KAZN: variants seen among roughly 807,000 people sequenced by gnomAD.
KAZN encodes kazrin, periplakin interacting protein.
KAZN carries 40 observed loss-of-function variants against 87.4 expected under a neutral mutation model. The observed-to-expected ratio is 0.46, with a 90% CI of 0.36 to 0.60. The LOEUF is 0.60. Ranked by LOEUF, KAZN falls within the 20% of genes least tolerant of loss-of-function variation. The pLI, the probability that KAZN is intolerant of heterozygous loss-of-function variation, is 0.00. For missense variants in KAZN, 898 were observed against 1,073.9 expected (o/e 0.84, Z 2.29); for synonymous variants, 466 against 458.3 (o/e 1.02, Z -0.22).
In KAZN at chr1:14,423,686, G is replaced by A. The variant is rs990648170; in HGVS notation, c.250-175297G>A. ...CATACCTAGTGGATTGATCACTTTG[G>A]AATCCAATTCCTCCCTGATTTTCAG... On this transcript the variant is annotated intron_variant, in intron 2 of 16. Coordinates refer to the KAZN transcript ENST00000636203. 1.5e-4 allele frequency among the ~76,000 whole-genome samples: 23 copies of A among 152,260 alleles called. 1 individual carries two copies. Among genetic ancestry groups the A allele is most frequent in the Admixed American group, 1.3e-3 (20 of 15,292 alleles).
At chr1:14,619,548 T>G (rs1391866825) in intron 1 of KAZN, among the ~76,000 whole-genome samples, 1 of 152,214 alleles carries the variant, frequency 6.6e-6, no homozygotes, top group Non-Finnish European at 1.5e-5. Flanking sequence ...ACGGAAAATT[T>G]GCCATTTAAA....
chr1:14,821,012 A>G (rs1646723672), intron 1 of KAZN, among the ~76,000 whole-genome samples: 1 of 152,180 alleles, frequency 6.6e-6, no homozygotes, highest in Non-Finnish European at 1.5e-5. Context: ...TGAGGAATTG[A>G]AAAGGAGGCA....
chr1:14,361,849 A>G (rs901977953), intron 2 of KAZN, among the ~76,000 whole-genome samples: 4 of 152,186 alleles, frequency 2.6e-5, no homozygotes, highest in African/African-American at 9.6e-5. Flanking sequence ...TGAGTCATTT[A>G]CCCGTGATTA....
At chr1:14,793,123 G>T (rs1471295751) in intron 1 of KAZN, among the ~76,000 whole-genome samples, 1 of 152,158 alleles carries the variant, frequency 6.6e-6, no homozygotes, top group African/African-American at 2.4e-5. Flanking sequence ...GATAGGAATG[G>T]ACCCCCGACT....
At chr1:15,111,046 G>A (rs1355290114) in intron 13 of KAZN, among the ~76,000 whole-genome samples, 1 of 152,158 alleles carries the variant, frequency 6.6e-6, no homozygotes, top group East Asian at 1.9e-4. Flanking sequence ...GGAGCAGAGG[G>A]GCCATTCATG....
intron 1 of KAZN, among the ~76,000 whole-genome samples, chr1:13,897,267 G>T (rs1212584123): frequency 1.3e-5 from 2 of 152,146 alleles, no homozygotes; most frequent in Non-Finnish European, 2.9e-5. Flanking sequence ...CTGGCTCCTT[G>T]CAGAAAAAAC....
At chr1:14,760,525 C>T (rs539196841) in intron 1 of KAZN, among the ~76,000 whole-genome samples, 12 of 152,308 alleles carry the variant, frequency 7.9e-5, no homozygotes, top group African/African-American at 2.9e-4. Flanking sequence ...CAGGGCAATC[C>T]AGCAGCCTCC....
intron 2 of KAZN, among the ~76,000 whole-genome samples, chr1:14,363,291 C>T (rs1271978469): frequency 1.3e-5 from 2 of 152,172 alleles, no homozygotes; most frequent in Non-Finnish European, 2.9e-5. Context: ...GATGTTTAAA[C>T]ATCTCCGTCT....
chr1:14,854,587 G>A (rs528360032), intron 1 of KAZN, among the ~76,000 whole-genome samples: 6 of 152,186 alleles, frequency 3.9e-5, no homozygotes, highest in African/African-American at 4.8e-5. Context: ...CCACTCTTGC[G>A]GGAGCTAATG....
At chr1:14,541,499 C>T (rs1171972312) in intron 2 of KAZN, among the ~76,000 whole-genome samples, 3 of 152,172 alleles carry the variant, frequency 2.0e-5, no homozygotes, top group Non-Finnish European at 4.4e-5. Flanking sequence ...GAAAGGCACC[C>T]GGGGCCAGGA....
intron 1 of KAZN, among the ~76,000 whole-genome samples, chr1:14,708,900 G>A (rs1642349754): frequency 6.6e-6 from 1 of 152,196 alleles, no homozygotes; most frequent in Admixed American, 6.5e-5. Flanking sequence ...TACTTTTTGA[G>A]CTTTAAAATA....
At chr1:14,309,210 AC>A (rs1436806378) in intron 2 of KAZN, among the ~76,000 whole-genome samples, 1 of 152,142 alleles carries the variant, frequency 6.6e-6, no homozygotes, top group Non-Finnish European at 1.5e-5. Flanking sequence ...AGGATAAGCA[AC>A]CCTTTTAAAA....
chr1:14,788,029 T>C (rs1572482640), intron 1 of KAZN, among the ~76,000 whole-genome samples: 1 of 152,188 alleles, frequency 6.6e-6, no homozygotes, highest in East Asian at 1.9e-4. Flanking sequence ...GCTGCATAGT[T>C]GTGGGGACCC....
chr1:15,072,557 A>G (rs1639560508), intron 8 of KAZN, among the ~76,000 whole-genome samples: 1 of 152,224 alleles, frequency 6.6e-6, no homozygotes, highest in Non-Finnish European at 1.5e-5. Context: ...TCTGGAAGTC[A>G]GGGCTGCCTC....
chr1:14,023,504 A>C (rs1400917866), intron 1 of KAZN, among the ~76,000 whole-genome samples: 1 of 152,096 alleles, frequency 6.6e-6, no homozygotes, highest in African/African-American at 2.4e-5. Flanking sequence ...CACAGCTACA[A>C]AGTGGTCCAG....
At chr1:15,029,433 C>A (rs1671468706) in intron 2 of KAZN, among the ~76,000 whole-genome samples, 1 of 152,154 alleles carries the variant, frequency 6.6e-6, no homozygotes, top group Non-Finnish European at 1.5e-5. Context: ...CAGAGAGCCC[C>A]AGGTTAGATG....
At chr1:14,552,040 C>T (rs1255431361) in intron 2 of KAZN, among the ~76,000 whole-genome samples, 4 of 151,792 alleles carry the variant, frequency 2.6e-5, no homozygotes, top group Non-Finnish European at 5.9e-5. Context: ...GTCTGAGTGC[C>T]CTTGACCAAG....
At chr1:14,589,098 C>T (rs947597893) in intron 2 of KAZN, among the ~76,000 whole-genome samples, 1 of 152,110 alleles carries the variant, frequency 6.6e-6, no homozygotes, top group African/African-American at 2.4e-5. Flanking sequence ...CTACTTGTTT[C>T]TTTCTCAAAA....
intron 2 of KAZN, among the ~76,000 whole-genome samples, chr1:14,451,111 C>A (rs1055748042): frequency 6.6e-6 from 1 of 152,126 alleles, no homozygotes; most frequent in African/African-American, 2.4e-5. Flanking sequence ...ATGCTGGCAC[C>A]ATGCTTCCTA....
Sources: allele counts gnomAD v4.1 joint callset (sites outside exome capture counted in the v4.1 genomes callset), GRCh38; gene constraint gnomAD v4.1.1; transcripts MANE v1.5; gene names NCBI Gene and HGNC (gene_info 2026-07-23, HGNC 2026-07-21).